PRPSAP2: variants seen among roughly 807,000 people sequenced by gnomAD.
The protein encoded by PRPSAP2 is phosphoribosyl pyrophosphate synthase-associated protein 2.
Under a neutral mutation model 40.6 loss-of-function variants are expected in PRPSAP2, and 24 were observed. The observed-to-expected ratio is 0.59, with a 90% CI of 0.43 to 0.83. The LOEUF (loss-of-function observed/expected upper bound fraction) is 0.83, where lower values mean the gene tolerates loss of function less well. Ranked by LOEUF, PRPSAP2 falls within the 40% of genes least tolerant of loss-of-function variation. The probability of loss-of-function intolerance (pLI) is 0.00; values close to 1 mark genes in which losing one functional copy is unlikely to be tolerated. For missense variants in PRPSAP2, 292 were observed against 465.6 expected (o/e 0.63, Z 3.43); for synonymous variants, 149 against 164.7 (o/e 0.90, Z 0.73).
chr17:18,900,725 C>T (rs753769307), intron 8 of PRPSAP2, among the ~76,000 whole-genome samples: 3 of 152,042 alleles, frequency 2.0e-5, no homozygotes, highest in Non-Finnish European at 4.4e-5. Context: ...GTGTGGACCA[C>T]CTAAGGTGGT....
At chr17:18,929,063 A>G in intron 11 of PRPSAP2, 106 bp downstream of exon 11, 1 of 1,476,244 alleles carries the variant, frequency 6.8e-7, no homozygotes, top group South Asian at 1.3e-5. Context: ...TGTGGCTGAG[A>G]AACGATTCAA....
chr17:18,924,496 C>T (rs949183893), intron 10 of PRPSAP2, among the ~76,000 whole-genome samples: 5 of 151,682 alleles, frequency 3.3e-5, no homozygotes, highest in Non-Finnish European at 7.4e-5. Flanking sequence ...TGGCTGGGCG[C>T]GTTGGCTCAT....
At chr17:18,877,317 G>C (rs1279677559) in intron 5 of PRPSAP2, among the ~76,000 whole-genome samples, 1 of 152,134 alleles carries the variant, frequency 6.6e-6, no homozygotes, top group Non-Finnish European at 1.5e-5. Flanking sequence ...TGTGGCCGAT[G>C]GGTTATCAGT....
rs565485374 is a variant in PRPSAP2, at chr17:18,902,905, GC to G, written c.585-8192del. On this transcript the variant is annotated intron_variant, in intron 8 of 11. Coordinates refer to ENST00000268835, the MANE Select transcript of PRPSAP2 (RefSeq NM_002767.4). ...AAAAAAAAAAAAAAGAAATTGACTT[GC>G]CCCCCTCCACTCAGTCTTTACCGAG... 9.1e-4 allele frequency among the ~76,000 whole-genome samples: 125 copies of G among 137,542 alleles called. 1 individual carries two copies. The South Asian group carries it at 0.027, about 30-fold the overall frequency. The allele number at this position is 137,542 out of a possible 152,430, so 90.2% of individuals were successfully genotyped here.
At chr17:18,917,861 C>T (rs2041460620) in intron 9 of PRPSAP2, among the ~76,000 whole-genome samples, 1 of 151,612 alleles carries the variant, frequency 6.6e-6, no homozygotes, top group Admixed American at 6.6e-5. Context: ...TGGTCTTAAG[C>T]GATAAGAGTC....
At chr17:18,865,059 G>A (rs3764447) in intron 1 of PRPSAP2, 81,057 of 152,112 alleles carry the variant, frequency 0.53, 21,860 homozygotes, top group Middle Eastern at 0.6. Flanking sequence ...GTTGGCCAGG[G>A]TGGTCTTGAT....
chr17:18,892,187 T>C (rs1252311825), intron 8 of PRPSAP2, among the ~76,000 whole-genome samples: 3 of 152,168 alleles, frequency 2.0e-5, no homozygotes, highest in Non-Finnish European at 2.9e-5. Flanking sequence ...CTGAGTAATA[T>C]TGCATTGTAT....
intron 11 of PRPSAP2, 39 bp from the exon 12 acceptor site, chr17:18,930,501 G>C (rs751107167): frequency 1.9e-6 from 3 of 1,590,344 alleles, no homozygotes; most frequent in Non-Finnish European, 2.6e-6. Context: ...AAGCTACTTG[G>C]CTTTCTGATG....
intron 9 of PRPSAP2, among the ~76,000 whole-genome samples, chr17:18,920,476 G>T (rs543814380): frequency 6.6e-6 from 1 of 152,182 alleles, no homozygotes; most frequent in Non-Finnish European, 1.5e-5. Flanking sequence ...ACTACAGGCC[G>T]TCTTTGGGAA....
intron 6 of PRPSAP2, among the ~76,000 whole-genome samples, chr17:18,881,321 C>T (rs1188727200): frequency 2.0e-5 from 3 of 151,294 alleles, no homozygotes; most frequent in African/African-American, 4.9e-5. Flanking sequence ...CTGCAACCTC[C>T]GCCCCCCCAG....
chr17:18,865,564 TG>T lies in PRPSAP2; in HGVS notation c.-33+1del, dbSNP rs1293732691. The T allele has an allele frequency of 1.1e-5, 2 of 176,230 alleles. No homozygotes were observed. The highest frequency in any genetic ancestry group is 2.4e-5 in the African/African-American group (1 of 42,370). 10.9% of individuals were successfully genotyped at this position (176,230 alleles called of 1,614,324 possible). A position where few individuals can be genotyped will look rare whatever the true frequency, so the allele number is the denominator to read the frequency against. ...TTGAGCTCTTCAGCTCCGCCTTTCT[TG>T]TAAGTTTATCATTTCTTCTTAGTGG... On this transcript the variant is annotated splice_donor_variant, in intron 2 of 11. Coordinates refer to ENST00000268835, the MANE Select transcript of PRPSAP2 (RefSeq NM_002767.4). LOFTEE classifies it low-confidence loss of function (5UTR_SPLICE).
intron 8 of PRPSAP2, chr17:18,904,410 A>G (rs1447970599): frequency 6.6e-6 from 1 of 152,142 alleles, no homozygotes. Flanking sequence ...GTGCGCCACC[A>G]TGCCCAGCTA....
intron 8 of PRPSAP2, among the ~76,000 whole-genome samples, chr17:18,894,149 G>T (rs137863643): frequency 1.3e-3 from 203 of 151,308 alleles, no homozygotes; most frequent in African/African-American, 4.5e-3. Context: ...CACCATGCAG[G>T]CCTCTATAGC....
At chr17:18,884,583 T>G (rs1047096424) in intron 7 of PRPSAP2, among the ~76,000 whole-genome samples, 1 of 152,206 alleles carries the variant, frequency 6.6e-6, no homozygotes, top group African/African-American at 2.4e-5. Flanking sequence ...CAAGCGATCC[T>G]CCTGCCTCAG....
Position 18,887,838 on chromosome 17 carries a change from CTT to C in PRPSAP2, c.529-1971_529-1970del, listed in dbSNP as rs11364727. On this transcript the variant is annotated intron_variant, in intron 7 of 11. Coordinates refer to ENST00000268835, the MANE Select transcript of PRPSAP2 (RefSeq NM_002767.4). ...TCTTTTTCATAATAACTTGTTCTTT[CTT>C]TTTTTTTTTTTTAATTTATTTTTTT... Among the ~76,000 whole-genome samples the C allele has an allele frequency of 9.5e-4, 78 of 81,748 alleles. 11 individuals carry two copies. Among genetic ancestry groups the C allele is most frequent in the African/African-American group, 1.2e-3 (25 of 21,106 alleles). 53.6% of individuals were successfully genotyped at this position (81,748 alleles called of 152,430 possible).
intron 7 of PRPSAP2, 50 bp downstream of exon 7, chr17:18,882,733 G>A (rs777881909): frequency 2.5e-6 from 3 of 1,224,478 alleles, no homozygotes; most frequent in African/African-American, 3.0e-5. Context: ...AAGGTTGAAA[G>A]ATGTATTTCC....
chr17:18,901,850 C>G (rs950600682), intron 8 of PRPSAP2, among the ~76,000 whole-genome samples: 2 of 152,248 alleles, frequency 1.3e-5, no homozygotes, highest in Admixed American at 1.3e-4. Flanking sequence ...GGTACAACCA[C>G]GGCTCACTGT....
intron 4 of PRPSAP2, among the ~76,000 whole-genome samples, chr17:18,869,380 C>T (rs1236062548): frequency 6.7e-6 from 1 of 148,198 alleles, no homozygotes; most frequent in Non-Finnish European, 1.5e-5. Context: ...CTGTGTCACT[C>T]AGGCTGGGGT....
At chr17:18,861,968 A>G (rs1386135171) in intron 1 of PRPSAP2, among the ~76,000 whole-genome samples, 3 of 151,702 alleles carry the variant, frequency 2.0e-5, no homozygotes, top group East Asian at 3.9e-4. Flanking sequence ...ACTCACTGCA[A>G]CCTCCGCCTC....
Sources: gnomAD v4.1 joint callset for allele counts (sites outside exome capture counted in the v4.1 genomes callset) on GRCh38, gnomAD v4.1.1 for gene constraint, MANE v1.5 for transcripts, NCBI Gene and HGNC (gene_info 2026-07-23, HGNC 2026-07-21) for gene names.